Variants in CDH2 observed in about 807,000 individuals in gnomAD.
CDH2 encodes cadherin-2.
In CDH2, 17 loss-of-function variants were observed where a neutral mutation model predicts 92.0. The observed-to-expected ratio is 0.18, with a 90% CI of 0.13 to 0.28. The LOEUF is 0.28. Ranked by LOEUF, CDH2 falls within the 10% of genes least tolerant of loss-of-function variation. The probability of loss-of-function intolerance (pLI) is 1.00; values close to 1 mark genes in which losing one functional copy is unlikely to be tolerated. For synonymous variants in CDH2, 419 were observed against 415.9 expected, an observed-to-expected ratio of 1.01 and a Z score of -0.09; for missense variants, 862 against 1,133.1, an observed-to-expected ratio of 0.76 and a Z score of 3.44.
intron 2 of CDH2, among the ~76,000 whole-genome samples, chr18:28,098,438 G>A (rs2015172631): frequency 6.6e-6 from 1 of 152,128 alleles, no homozygotes; most frequent in Middle Eastern, 3.2e-3. Flanking sequence ...CTGGTCACAA[G>A]ATTTTCATCA....
intron 2 of CDH2, among the ~76,000 whole-genome samples, chr18:28,070,911 G>A (rs1000747153): frequency 5.9e-5 from 9 of 151,796 alleles, no homozygotes; most frequent in African/African-American, 2.2e-4. Context: ...GAGACATTCT[G>A]TTTTTCAATT....
chr18:27,992,869 G>A (rs1351058708), intron 8 of CDH2, 29 bp from the exon 9 acceptor site: 5 of 1,582,846 alleles, frequency 3.2e-6, no homozygotes, highest in Admixed American at 1.7e-5. Context: ...TCAGTCAGAG[G>A]AGGGGCATGG....
intron 2 of CDH2, among the ~76,000 whole-genome samples, chr18:28,057,479 A>C (rs549483295): frequency 2.6e-5 from 4 of 152,254 alleles, no homozygotes; most frequent in African/African-American, 9.6e-5. Flanking sequence ...CAGCCTGGTC[A>C]ATGTGGTGAA....
At chr18:28,106,757 G>A (rs2015329976) in intron 2 of CDH2, among the ~76,000 whole-genome samples, 1 of 152,004 alleles carries the variant, frequency 6.6e-6, no homozygotes, top group Non-Finnish European at 1.5e-5. Context: ...TCAAATTCAA[G>A]TCTTTAAAAT....
intron 2 of CDH2, chr18:28,146,680 T>C (rs964475437): frequency 6.6e-6 from 1 of 152,114 alleles, no homozygotes; most frequent in Admixed American, 6.6e-5. Context: ...CCTCTGTCTA[T>C]GGTATTCTTA....
At chr18:28,030,279 C>A (rs190220910) in intron 2 of CDH2, among the ~76,000 whole-genome samples, 2 of 151,314 alleles carry the variant, frequency 1.3e-5, no homozygotes, top group African/African-American at 4.9e-5. Context: ...GAAAAAAACA[C>A]GCACCTAAAC....
rs192904888 is a variant in CDH2 at position 28,018,470 on chromosome 18, T to G, written c.173-4561A>C. ...GCAAAATGAACAAATCTGGAGGTAT[T>G]ACATTACTTGACCTCAAACTATACT... is the stretch of plus-strand genomic sequence containing the variant. On this transcript the variant is annotated intron_variant, in intron 2 of 15. Coordinates refer to ENST00000269141, the MANE Select transcript of CDH2 (RefSeq NM_001792.5). Among the ~76,000 whole-genome samples, 603 of 152,146 alleles carry G rather than the reference T, an allele frequency of 4.0e-3. 5 individuals are homozygous for G. The highest frequency in any genetic ancestry group is 8.5e-3 in the South Asian group (41 of 4,814).
intron 7 of CDH2, 106 bp downstream of exon 7, chr18:28,002,891 A>G (rs2012809135): frequency 3.9e-6 from 4 of 1,028,250 alleles, no homozygotes; most frequent in Admixed American, 4.0e-5. Flanking sequence ...TAGCATTTGA[A>G]TAACACTGTG....
intron 1 of CDH2, among the ~76,000 whole-genome samples, chr18:28,148,173 T>G (rs2016067203): frequency 6.6e-6 from 1 of 152,168 alleles, no homozygotes; most frequent in South Asian, 2.1e-4. Context: ...ATGTATACAT[T>G]CAAGTACACA....
chr18:27,998,711 A>G (rs1449718354), intron 7 of CDH2, among the ~76,000 whole-genome samples: 3 of 152,020 alleles, frequency 2.0e-5, no homozygotes, highest in African/African-American at 7.2e-5. Flanking sequence ...ACCCAGACTC[A>G]GGTGACAGGT....
intron 15 of CDH2, among the ~76,000 whole-genome samples, chr18:27,958,335 A>G (rs1215055608): frequency 6.6e-6 from 1 of 152,058 alleles, no homozygotes; most frequent in East Asian, 1.9e-4. Context: ...AAGCTTCCAT[A>G]AGTTTTAAAC....
chr18:28,047,195 A>C (rs2014093985), intron 2 of CDH2, among the ~76,000 whole-genome samples: 1 of 152,198 alleles, frequency 6.6e-6, no homozygotes, highest in Non-Finnish European at 1.5e-5. Flanking sequence ...GTTACAAAAA[A>C]GCACCAAGAG....
At chr18:28,025,921 A>T (rs1345873083) in intron 2 of CDH2, among the ~76,000 whole-genome samples, 1 of 152,194 alleles carries the variant, frequency 6.6e-6, no homozygotes, top group Non-Finnish European at 1.5e-5. Context: ...AACACTATAA[A>T]AAAGCCCAAG....
intron 2 of CDH2, among the ~76,000 whole-genome samples, chr18:28,081,380 G>C (rs2014825621): frequency 6.6e-6 from 1 of 152,050 alleles, no homozygotes; most frequent in African/African-American, 2.4e-5. Context: ...ATTTATCCTT[G>C]AAAGCCTGAG....
chr18:28,003,320 T>G lies in CDH2; in HGVS notation c.848-151A>C, dbSNP rs1284359113. The G allele has an allele frequency of 7.1e-6, 4 of 562,016 alleles. No individual in the cohort carries two copies. The African/African-American group carries it at 7.5e-5, about 11-fold the overall frequency. The allele number at this position is 562,016 out of a possible 1,614,324, so 34.8% of individuals were successfully genotyped here. On this transcript the variant is annotated intron_variant, in intron 6 of 15. Transcript: ENST00000269141. Reference sequence around the variant, plus strand: ...TAGACTTGATTAAAAATGCTACTCATAAGAACAGTACTTATTTCAAAAAAG... The same window carrying G: ...TAGACTTGATTAAAAATGCTACTCAGAAGAACAGTACTTATTTCAAAAAAG...
intron 14 of CDH2, among the ~76,000 whole-genome samples, chr18:27,979,237 A>C (rs796145010): frequency 3.3e-5 from 5 of 152,314 alleles, no homozygotes; most frequent in African/African-American, 1.2e-4. Flanking sequence ...ACATATCAAA[A>C]GGGTAAAACC....
chr18:28,154,418 C>T (rs2016175866), intron 1 of CDH2, among the ~76,000 whole-genome samples: 1 of 152,232 alleles, frequency 6.6e-6, no homozygotes, highest in South Asian at 2.1e-4. Context: ...AATCAGCTCA[C>T]CTATCTTGAG....
At chr18:27,940,640 C>T (rs1172974625) in intron 6 of CDH2, among the ~76,000 whole-genome samples, 3 of 152,166 alleles carry the variant, frequency 2.0e-5, no homozygotes, top group African/African-American at 4.8e-5. Context: ...TTCCTCCATT[C>T]TTCAAGGTCA....
At chr18:28,054,657 T>C (rs889701042) in intron 2 of CDH2, among the ~76,000 whole-genome samples, 2 of 152,180 alleles carry the variant, frequency 1.3e-5, no homozygotes, top group Admixed American at 6.6e-5. Flanking sequence ...ATGTATTCTC[T>C]ATGACCTGGA....
Sources: allele counts gnomAD v4.1 joint callset (sites outside exome capture counted in the v4.1 genomes callset), GRCh38; gene constraint gnomAD v4.1.1; transcripts MANE v1.5; gene names NCBI Gene and HGNC (gene_info 2026-07-23, HGNC 2026-07-21).